Variants in MIS18BP1 observed in about 807,000 individuals in gnomAD.
The protein encoded by MIS18BP1 is mis18-binding protein 1.
In MIS18BP1, 72 loss-of-function variants were observed where a neutral mutation model predicts 116.1. The ratio of observed to expected loss-of-function variants is 0.62; its 90% CI spans 0.51 to 0.75. The LOEUF (loss-of-function observed/expected upper bound fraction) is 0.75. Among genes scored for constraint, MIS18BP1 ranks in the 30% least tolerant of loss-of-function variants. The probability of loss-of-function intolerance (pLI) is 0.00; values close to 1 mark genes in which losing one functional copy is unlikely to be tolerated. For missense variants in MIS18BP1, 1,363 were observed against 1,303.2 expected (o/e 1.05, Z -0.71); for synonymous variants, 386 against 427.0 (o/e 0.90, Z 1.18).
At chr14:45,247,411 C>T (rs1339353838) in intron 1 of MIS18BP1, 34 bp from the exon 2 acceptor site, 2 of 702,678 alleles carry the variant, frequency 2.8e-6, no homozygotes, top group African/African-American at 3.6e-5. Context: ...CTTTATCATG[C>T]TTTGGTGCAG....
At chr14:45,206,288 A>G (rs1302474342) in intron 14 of MIS18BP1, 118 bp from the exon 15 acceptor site, 1 of 693,520 alleles carries the variant, frequency 1.4e-6, no homozygotes, top group East Asian at 2.8e-5. Flanking sequence ...ATTAATTTCA[A>G]ATGTATTTCT....
At chr14:45,219,430 C>T (rs774163779) in intron 11 of MIS18BP1, among the ~76,000 whole-genome samples, 5 of 152,014 alleles carry the variant, frequency 3.3e-5, no homozygotes, top group Non-Finnish European at 7.4e-5. Context: ...TGATAAAACA[C>T]GTGTGATAGC....
chr14:45,221,432 G>A (rs1024136654), intron 11 of MIS18BP1, among the ~76,000 whole-genome samples: 1 of 151,906 alleles, frequency 6.6e-6, no homozygotes, highest in Non-Finnish European at 1.5e-5. Context: ...GCAAGACTCC[G>A]TCTCAAAAAT....
At chr14:45,207,057 A>T (rs771115064) in intron 14 of MIS18BP1, among the ~76,000 whole-genome samples, 1 of 152,006 alleles carries the variant, frequency 6.6e-6, no homozygotes, top group South Asian at 2.1e-4. Context: ...CCTTTACCTT[A>T]TCTCTTCCCT....
chr14:45,222,393 T>C (rs1890999111), intron 11 of MIS18BP1, among the ~76,000 whole-genome samples: 1 of 152,236 alleles, frequency 6.6e-6, no homozygotes, highest in African/African-American at 2.4e-5. Flanking sequence ...TTTTTAGAAG[T>C]TGCTCTAGGG....
intron 7 of MIS18BP1, 75 bp from the exon 8 acceptor site, chr14:45,231,373 AAAT>A: frequency 3.1e-6 from 4 of 1,303,522 alleles, no homozygotes; most frequent in Non-Finnish European, 4.2e-6. Context: ...CTTCATAAAT[AAAT>A]AAAAACCCCT....
chr14:45,244,143 T>A (rs1891664216), intron 2 of MIS18BP1, among the ~76,000 whole-genome samples: 1 of 152,248 alleles, frequency 6.6e-6, no homozygotes, highest in Non-Finnish European at 1.5e-5. Context: ...GTTAAGAACA[T>A]GGGCTTTCTA....
At chr14:45,205,949 T>C (rs1890503553) in intron 15 of MIS18BP1, 134 bp downstream of exon 15, 1 of 580,666 alleles carries the variant, frequency 1.7e-6, no homozygotes, top group Non-Finnish European at 3.1e-6. Context: ...ACCTCATTCA[T>C]GGCTTCATTA....
intron 13 of MIS18BP1, among the ~76,000 whole-genome samples, chr14:45,212,752 T>C (rs1189968383): frequency 6.6e-6 from 1 of 152,120 alleles, no homozygotes; most frequent in Non-Finnish European, 1.5e-5. Context: ...ATAAATCCAG[T>C]AAACACACTG....
At chr14:45,211,461 CCCT>C (rs1890671339) in intron 13 of MIS18BP1, among the ~76,000 whole-genome samples, 1 of 152,094 alleles carries the variant, frequency 6.6e-6, no homozygotes, top group South Asian at 2.1e-4. Context: ...CCTCCTAACC[CCCT>C]CCTCTCCTGC....
chr14:45,229,774 G>A (rs184677468), intron 8 of MIS18BP1, among the ~76,000 whole-genome samples: 144 of 152,246 alleles, frequency 9.5e-4, no homozygotes, highest in African/African-American at 3.2e-3. Context: ...CTTGTTTTAG[G>A]AGTAAAAAAG....
intron 5 of MIS18BP1, among the ~76,000 whole-genome samples, chr14:45,237,299 A>G (rs1428987818): frequency 6.6e-6 from 1 of 152,218 alleles, no homozygotes; most frequent in African/African-American, 2.4e-5. Context: ...GGTTGTCCCA[A>G]TTTAGATGTG....
intron 4 of MIS18BP1, 79 bp downstream of exon 4, chr14:45,241,955 T>C: frequency 1.4e-6 from 2 of 1,433,794 alleles, no homozygotes; most frequent in South Asian, 2.8e-5. Flanking sequence ...AAAAAAATAA[T>C]GAGAGAACAT....
intron 13 of MIS18BP1, among the ~76,000 whole-genome samples, chr14:45,216,356 TA>T (rs1183624871): frequency 6.6e-6 from 1 of 152,232 alleles, no homozygotes; most frequent in Non-Finnish European, 1.5e-5. Context: ...TATTTTAACT[TA>T]TTTTTTTAAA....
chr14:45,205,761 C>CAGGA (rs1853733410), intron 15 of MIS18BP1, among the ~76,000 whole-genome samples: 1 of 152,158 alleles, frequency 6.6e-6, no homozygotes, highest in African/African-American at 2.4e-5. Context: ...AATCCTTGAA[C>CAGGA]AGGATTGTTT....
chr14:45,204,316 A>G lies in MIS18BP1; in HGVS notation c.3295+83T>C, dbSNP rs987819249. The G allele has an allele frequency of 4.6e-6, 7 of 1,537,822 alleles. No individual in the cohort carries two copies. The African/African-American group carries it at 5.6e-5, about 12-fold the overall frequency. The stretch of plus-strand genomic sequence containing the variant: ...AAAATGCTAAGTCTGTCCACTTGAG[A>G]GCAATTAATTTTAATACCATTTAAA... On this transcript the variant is annotated intron_variant, in intron 16 of 16. Transcript: ENST00000310806.
rs111459035 is a variant in MIS18BP1, at chr14:45,231,761, A to G, written c.1437-463T>C. Among the ~76,000 whole-genome samples, 669 of 152,292 alleles carry G rather than the reference A, an allele frequency of 4.4e-3. 9 individuals carry two copies. Among genetic ancestry groups the G allele is most frequent in the African/African-American group, 0.015 (623 of 41,552 alleles). On this transcript the variant is annotated intron_variant, in intron 7 of 16. Transcript: ENST00000310806. ...CAGAATATGCCCTTTACAGAAAAAA[A>G]CTGCCAGCCCCCGTTACCAGTTATT...
intron 4 of MIS18BP1, among the ~76,000 whole-genome samples, chr14:45,238,891 TC>T (rs1460056150): frequency 6.6e-6 from 1 of 152,182 alleles, no homozygotes; most frequent in Non-Finnish European, 1.5e-5. Context: ...GGATCCACCA[TC>T]TTGTCTTACC....
In MIS18BP1 at chr14:45,235,797, T is replaced by C; in HGVS notation, c.1348+17A>G. On this transcript the variant is annotated intron_variant, in intron 6 of 16. Transcript: ENST00000310806. ...TTTACTTCTTAAAATAACTTATCAA[T>C]AATGACAGTCATTTACCTGCTTCTT... is the stretch of plus-strand genomic sequence containing the variant. 1 of 1,579,470 alleles carries C rather than the reference T, an allele frequency of 6.3e-7. No individual in the cohort carries two copies. Among genetic ancestry groups the C allele is most frequent in the Non-Finnish European group, 8.6e-7 (1 of 1,164,676 alleles).
Sources: allele counts gnomAD v4.1 joint callset (sites outside exome capture counted in the v4.1 genomes callset), GRCh38; gene constraint gnomAD v4.1.1; transcripts MANE v1.5; gene names NCBI Gene and HGNC (gene_info 2026-07-23, HGNC 2026-07-21).